Variants in ST3GAL3 observed in about 807,000 individuals in gnomAD.
ST3GAL3 encodes ST3 beta-galactoside alpha-2,3-sialyltransferase 3.
In ST3GAL3, 21 loss-of-function variants were observed where a neutral mutation model predicts 50.1. The ratio of observed to expected loss-of-function variants is 0.42; its 90% confidence interval spans 0.30 to 0.60. The LOEUF (loss-of-function observed/expected upper bound fraction) is 0.60. ST3GAL3 is among the 20% of genes least tolerant of loss of function. The pLI, the probability that ST3GAL3 is intolerant of heterozygous loss-of-function variation, is 0.19. For missense variants in ST3GAL3, 353 were observed against 489.4 expected, an observed-to-expected ratio of 0.72 and a Z score of 2.63; for synonymous variants, 183 against 190.0, an observed-to-expected ratio of 0.96 and a Z score of 0.30.
intron 2 of ST3GAL3, chr1:43,772,395 T>C (rs918929498): frequency 3.4e-5 from 6 of 178,622 alleles, no homozygotes; most frequent in Non-Finnish European, 5.8e-5. Context: ...TTTGTCATGA[T>C]GGACAGATTT....
chr1:43,784,463 C>T lies in ST3GAL3; in HGVS notation c.119-7639C>T, dbSNP rs564768920. 8.5e-5 allele frequency among the ~76,000 whole-genome samples: 13 copies of T among 152,158 alleles called. No individual in the cohort carries two copies. The South Asian group carries it at 2.5e-3, about 29-fold the overall frequency. Reference sequence around the variant, plus strand: ...GGCAGAGGTTGCAGTGAGCCGAGATCGCACCACTGTACTCCAGCCTGGGTG... The same window carrying T: ...GGCAGAGGTTGCAGTGAGCCGAGATTGCACCACTGTACTCCAGCCTGGGTG... On this transcript the variant is annotated intron_variant, in intron 2 of 11. Transcript: ENST00000347631.
At chr1:43,928,304 C>T (rs541140143) in intron 11 of ST3GAL3, among the ~76,000 whole-genome samples, 1 of 152,258 alleles carries the variant, frequency 6.6e-6, no homozygotes, top group East Asian at 1.9e-4. Flanking sequence ...TAAATAGTGG[C>T]TGTTAACAGT....
At chr1:43,926,504 G>T (rs371250570) in intron 11 of ST3GAL3, among the ~76,000 whole-genome samples, 1 of 149,420 alleles carries the variant, frequency 6.7e-6, no homozygotes, top group East Asian at 1.9e-4. Flanking sequence ...CAGGAGAATC[G>T]CTTGAACTCG....
intron 9 of ST3GAL3, among the ~76,000 whole-genome samples, chr1:43,908,972 G>T (rs2080310252): frequency 6.6e-6 from 1 of 152,090 alleles, no homozygotes; most frequent in Non-Finnish European, 1.5e-5. Flanking sequence ...CTCCACTCTG[G>T]CTATATGGAC....
chr1:43,806,987 G>A (rs950708572), intron 3 of ST3GAL3, among the ~76,000 whole-genome samples: 7 of 152,132 alleles, frequency 4.6e-5, no homozygotes, highest in Non-Finnish European at 8.8e-5. Context: ...CACTGTGCCC[G>A]GTAGGGAAAA....
chr1:43,751,479 A>C (rs1263946149), intron 2 of ST3GAL3, among the ~76,000 whole-genome samples: 1 of 152,250 alleles, frequency 6.6e-6, no homozygotes, highest in Non-Finnish European at 1.5e-5. Flanking sequence ...TTGAGTAAAT[A>C]AATAATGGCA....
At chr1:43,808,119 T>C (rs2060115524) in intron 3 of ST3GAL3, among the ~76,000 whole-genome samples, 1 of 152,042 alleles carries the variant, frequency 6.6e-6, no homozygotes, top group African/African-American at 2.4e-5. Context: ...CTGGCCAACA[T>C]AGTGAAACAC....
intron 2 of ST3GAL3, among the ~76,000 whole-genome samples, chr1:43,763,740 A>G (rs1015534299): frequency 1.3e-5 from 2 of 152,210 alleles, no homozygotes; most frequent in South Asian, 2.1e-4. Context: ...ATCCAAAGGC[A>G]GGCCAGTGTC....
At chr1:43,799,026 G>A (rs998518345) in intron 3 of ST3GAL3, among the ~76,000 whole-genome samples, 1 of 152,184 alleles carries the variant, frequency 6.6e-6, no homozygotes. Flanking sequence ...TGACACAGAC[G>A]ATGTCGAGGA....
At chr1:43,848,294 CT>C (rs58438507) in intron 5 of ST3GAL3, among the ~76,000 whole-genome samples, 4 of 70,378 alleles carry the variant, frequency 5.7e-5, no homozygotes, top group East Asian at 4.7e-4. Context: ...TTGTGGTTTT[CT>C]TTTTTTTTTT....
chr1:43,872,260 G>GA (rs2073126379), intron 5 of ST3GAL3, among the ~76,000 whole-genome samples: 1 of 107,218 alleles, frequency 9.3e-6, no homozygotes, highest in African/African-American at 3.6e-5. Context: ...GGTGTGGGGG[G>GA]AAGGGGGGAG....
At chr1:43,882,287 C>T (rs1036416985) in intron 5 of ST3GAL3, among the ~76,000 whole-genome samples, 1 of 152,146 alleles carries the variant, frequency 6.6e-6, no homozygotes, top group Non-Finnish European at 1.5e-5. Context: ...GTTAAAGAGC[C>T]TGATAGACTC....
intron 2 of ST3GAL3, among the ~76,000 whole-genome samples, chr1:43,752,448 C>T (rs1035765804): frequency 1.3e-5 from 2 of 152,196 alleles, no homozygotes; most frequent in Non-Finnish European, 2.9e-5. Flanking sequence ...CCACCTGTTT[C>T]ATAGACTAAA....
In ST3GAL3 at chr1:43,857,582, C is replaced by CCTTCCTTCCTT. The variant is rs1558605475; in HGVS notation, c.302+19272_302+19273insTTCCTTCCTTC. On this transcript the variant is annotated intron_variant, in intron 5 of 11. Transcript: ENST00000347631. The stretch of plus-strand genomic sequence containing the variant: ...TTCCTTCCTTCTTTCTTTCCTTCCT[C>CCTTCCTTCCTT]CCTCCCTTCCTTCCTTCCTTCCTTC... 2.7e-3 allele frequency among the ~76,000 whole-genome samples: 250 copies of CCTTCCTTCCTT among 93,806 alleles called. 13 individuals carry two copies. The highest frequency in any genetic ancestry group is 6.7e-3 in the East Asian group (19 of 2,844). 61.5% of individuals were successfully genotyped at this position (93,806 alleles called of 152,430 possible). A position where few individuals can be genotyped will look rare whatever the true frequency, so the allele number is the denominator to read the frequency against.
chr1:43,899,993 T>C lies in ST3GAL3; in HGVS notation c.744+266T>C, dbSNP rs2154271191. ...AGGTGCAGATCCTTTCTCAGCCTTCTGTAGCCAGACCCCAGCAGCCCCAGG... is the reference window on the plus strand; with the variant it reads ...AGGTGCAGATCCTTTCTCAGCCTTCCGTAGCCAGACCCCAGCAGCCCCAGG... On this transcript the variant is annotated intron_variant, in intron 9 of 11. Transcript: ENST00000347631. The surrounding 1 kb of genome is among the most constrained non-coding windows in gnomAD (Gnocchi z 5.4). Among the ~76,000 whole-genome samples, 3 of 152,290 alleles carry C rather than the reference T, an allele frequency of 2.0e-5. No individual in the cohort carries two copies. The highest frequency in any genetic ancestry group is 3.4e-3 in the Middle Eastern group (1 of 294).
chr1:43,897,885 G>C (rs2077618601), intron 6 of ST3GAL3, among the ~76,000 whole-genome samples: 1 of 152,210 alleles, frequency 6.6e-6, no homozygotes, highest in Non-Finnish European at 1.5e-5. Context: ...CAGGGAGACT[G>C]CGTGCGCCAG....
chr1:43,737,263 A>G lies in ST3GAL3; in HGVS notation c.118+883A>G, dbSNP rs139245460. ...TCTTAAAATAGTTTTATTTTTACTA[A>G]CATCTACCAGATACCAGTATAGAAC... On this transcript the variant is annotated intron_variant, in intron 2 of 11. Coordinates refer to ENST00000347631, the MANE Select transcript of ST3GAL3 (RefSeq NM_006279.5). This position sits in a 1 kb window ranked among gnomAD's most constrained non-coding sequence, Gnocchi z 4.0. 43 of 152,336 alleles carry G rather than the reference A, an allele frequency of 2.8e-4. No individual in the cohort carries two copies. The highest frequency in any genetic ancestry group is 1.0e-3 in the African/African-American group (42 of 41,568). The allele number at this position is 152,336 out of a possible 1,614,324, so 9.4% of individuals were successfully genotyped here. A position where few individuals can be genotyped will look rare whatever the true frequency, so the allele number is the denominator to read the frequency against.
intron 11 of ST3GAL3, among the ~76,000 whole-genome samples, chr1:43,926,075 G>C (rs1434193700): frequency 6.6e-6 from 1 of 152,164 alleles, no homozygotes; most frequent in Non-Finnish European, 1.5e-5. Context: ...GGAGTAGAGA[G>C]ACTGGGCAGT....
At chr1:43,852,570 G>T (rs1459004267) in intron 5 of ST3GAL3, among the ~76,000 whole-genome samples, 1 of 152,208 alleles carries the variant, frequency 6.6e-6, no homozygotes, top group East Asian at 1.9e-4. Flanking sequence ...GTAGACACTT[G>T]GTATTGGTTT....
Sources: allele counts gnomAD v4.1 joint callset (sites outside exome capture counted in the v4.1 genomes callset), GRCh38; gene constraint gnomAD v4.1.1; non-coding constraint Gnocchi (gnomAD v3.1); transcripts MANE v1.5; gene names NCBI Gene and HGNC (gene_info 2026-07-23, HGNC 2026-07-21).